The following SPATA17 variants were observed in gnomAD, a reference collection of about 807,000 sequenced individuals.
SPATA17 encodes spermatogenesis associated 17.
Under a neutral mutation model 62.2 loss-of-function variants are expected in SPATA17, and 53 were observed. The ratio of observed to expected loss-of-function variants is 0.85; its 90% CI spans 0.68 to 1.07. The LOEUF (loss-of-function observed/expected upper bound fraction) is 1.07, where lower values mean the gene tolerates loss of function less well. SPATA17 is among the 50% of genes least tolerant of loss of function. SPATA17 has a pLI of 0.00. For missense variants in SPATA17, 466 were observed against 425.5 expected, an observed-to-expected ratio of 1.10 and a Z score of -0.84; for synonymous variants, 146 against 146.8, an observed-to-expected ratio of 0.99 and a Z score of 0.04.
chr1:217,769,382 A>G (rs2102968718), intron 6 of SPATA17, among the ~76,000 whole-genome samples: 1 of 152,326 alleles, frequency 6.6e-6, no homozygotes, highest in African/African-American at 2.4e-5. Context: ...ACTTCTCCAA[A>G]CAAACTCAAG....
intron 4 of SPATA17, among the ~76,000 whole-genome samples, chr1:217,681,269 C>T (rs1671079334): frequency 6.6e-6 from 1 of 151,850 alleles, no homozygotes; most frequent in Non-Finnish European, 1.5e-5. Flanking sequence ...AAGTTATTTT[C>T]TCTGATTTAC....
rs1553251071 is a variant in SPATA17, at chr1:217,770,978, A to AATTTTTTTTTTTT, written c.520-3356_520-3355insATTTTTTTTTTTT. ...ATGTATCTATTATATAACTCATTGC[A>AATTTTTTTTTTTT]TTTTTTTTTTTTTTTTTTTTTTTTT... On this transcript the variant is annotated intron_variant, in intron 6 of 10. Coordinates refer to ENST00000366933, the MANE Select transcript of SPATA17 (RefSeq NM_138796.4). Among the ~76,000 whole-genome samples, 128 of 50,174 alleles carry AATTTTTTTTTTTT rather than the reference A, an allele frequency of 2.6e-3. 13 individuals are homozygous for AATTTTTTTTTTTT. Among genetic ancestry groups the AATTTTTTTTTTTT allele is most frequent in the Non-Finnish European group, 2.9e-3 (89 of 30,440 alleles). The allele number at this position is 50,174 out of a possible 152,430, so 32.9% of individuals were successfully genotyped here.
chr1:217,800,470 G>C (rs72728870), intron 8 of SPATA17, among the ~76,000 whole-genome samples: 4,864 of 151,672 alleles, frequency 0.032, 113 homozygotes, highest in Middle Eastern at 0.065. Flanking sequence ...TCCTCTGTAC[G>C]TGCTTTCCTT....
chr1:217,705,362 A>G (rs1375507590), intron 5 of SPATA17, among the ~76,000 whole-genome samples: 1 of 144,654 alleles, frequency 6.9e-6, no homozygotes, highest in Non-Finnish European at 1.5e-5. Context: ...TTGTCTCTTT[A>G]CTGTGTTCAC....
chr1:217,757,196 A>G (rs2102960016), intron 6 of SPATA17, among the ~76,000 whole-genome samples: 1 of 152,320 alleles, frequency 6.6e-6, no homozygotes, highest in South Asian at 2.1e-4. Flanking sequence ...AGAGCCCAAT[A>G]CATAAATCCC....
chr1:217,811,786 T>TA (rs1214025351), intron 9 of SPATA17, among the ~76,000 whole-genome samples: 1 of 152,212 alleles, frequency 6.6e-6, no homozygotes, highest in Non-Finnish European at 1.5e-5. Context: ...CATAAAATCT[T>TA]AGAATTATTA....
At chr1:217,720,356 CATGTT>C (rs1276808601) in intron 5 of SPATA17, among the ~76,000 whole-genome samples, 1 of 152,154 alleles carries the variant, frequency 6.6e-6, no homozygotes, top group Non-Finnish European at 1.5e-5. Context: ...CAACTTAACT[CATGTT>C]ATTATTGTTT....
At chr1:217,659,733 T>C (rs1265771521) in intron 3 of SPATA17, among the ~76,000 whole-genome samples, 1 of 151,994 alleles carries the variant, frequency 6.6e-6, no homozygotes, top group Non-Finnish European at 1.5e-5. Context: ...TTCAGGTAAA[T>C]AGTACTGCAA....
At chr1:217,717,205 A>G (rs1031966830) in intron 5 of SPATA17, among the ~76,000 whole-genome samples, 2 of 140,556 alleles carry the variant, frequency 1.4e-5, no homozygotes, top group Non-Finnish European at 3.1e-5. Flanking sequence ...CCTTGTTTTT[A>G]GTGTTACCAT....
chr1:217,703,940 C>A (rs1400662787), intron 5 of SPATA17, among the ~76,000 whole-genome samples: 1 of 151,966 alleles, frequency 6.6e-6, no homozygotes, highest in Non-Finnish European at 1.5e-5. Context: ...TTTTTATTTT[C>A]AATGAATATA....
intron 5 of SPATA17, among the ~76,000 whole-genome samples, chr1:217,692,755 G>A (rs1671368226): frequency 1.1e-5 from 1 of 90,326 alleles, no homozygotes; most frequent in African/African-American, 4.3e-5. Context: ...TAATCATGTG[G>A]TTTTTGTCTT....
intron 6 of SPATA17, 106 bp from the exon 7 acceptor site, chr1:217,774,228 G>A (rs1673530627): frequency 1.1e-6 from 1 of 936,284 alleles, no homozygotes. Flanking sequence ...CACAGTTGTA[G>A]TTTAAAATAT....
intron 8 of SPATA17, among the ~76,000 whole-genome samples, chr1:217,789,753 G>A (rs1673953992): frequency 6.6e-6 from 1 of 152,176 alleles, no homozygotes; most frequent in African/African-American, 2.4e-5. Context: ...TTGGGATCAT[G>A]GCTGGGTGTG....
At chr1:217,637,059 A>G (rs1669958730) in intron 1 of SPATA17, among the ~76,000 whole-genome samples, 1 of 152,154 alleles carries the variant, frequency 6.6e-6, no homozygotes, top group South Asian at 2.1e-4. Flanking sequence ...ATATAGACCA[A>G]CTGTCAAATG....
chr1:217,722,435 A>G (rs1365906312), intron 5 of SPATA17, among the ~76,000 whole-genome samples: 2 of 152,040 alleles, frequency 1.3e-5, no homozygotes, highest in African/African-American at 4.8e-5. Context: ...AAATAATACA[A>G]TATTATAAAA....
At chr1:217,795,965 T>C (rs1457361398) in intron 8 of SPATA17, among the ~76,000 whole-genome samples, 2 of 151,890 alleles carry the variant, frequency 1.3e-5, no homozygotes, top group Non-Finnish European at 2.9e-5. Context: ...GCCCAGCTGA[T>C]TTTTGTATTT....
intron 5 of SPATA17, among the ~76,000 whole-genome samples, chr1:217,693,313 T>C (rs1490613050): frequency 1.0e-5 from 1 of 99,990 alleles, no homozygotes; most frequent in African/African-American, 3.9e-5. Context: ...TGGTAGTTTG[T>C]ATTTCTGTGG....
At chr1:217,772,148 T>C (rs1303781252) in intron 6 of SPATA17, among the ~76,000 whole-genome samples, 2 of 152,288 alleles carry the variant, frequency 1.3e-5, no homozygotes, top group Admixed American at 6.5e-5. Flanking sequence ...CAATAAATTC[T>C]AATCTTAGAA....
intron 8 of SPATA17, among the ~76,000 whole-genome samples, chr1:217,793,667 C>A (rs978991977): frequency 6.6e-6 from 1 of 152,052 alleles, no homozygotes; most frequent in Non-Finnish European, 1.5e-5. Flanking sequence ...ATGCACAGTT[C>A]TGGTTAAGAG....
Sources: allele counts gnomAD v4.1 joint callset (sites outside exome capture counted in the v4.1 genomes callset), GRCh38; gene constraint gnomAD v4.1.1; transcripts MANE v1.5; gene names NCBI Gene and HGNC (gene_info 2026-07-23, HGNC 2026-07-21).